PDE4D: variants seen among roughly 807,000 people sequenced by gnomAD.
PDE4D encodes 3',5'-cyclic-AMP phosphodiesterase 4D.
In PDE4D, 24 loss-of-function variants were observed where a neutral mutation model predicts 87.4. That is an observed-to-expected ratio of 0.27 (90% CI 0.20 to 0.39). PDE4D has a LOEUF of 0.39. PDE4D is among the 10% of genes least tolerant of loss of function. The pLI is 1.00. For synonymous variants in PDE4D, 384 were observed against 383.2 expected (o/e 1.00, Z -0.02); for missense variants, 714 against 1,041.0 (o/e 0.69, Z 4.32).
intron 1 of PDE4D, among the ~76,000 whole-genome samples, chr5:59,715,024 T>G (rs1458549890): frequency 6.6e-6 from 1 of 152,238 alleles, no homozygotes; most frequent in Non-Finnish European, 1.5e-5. Flanking sequence ...GTCCCAACTA[T>G]GGAAAGAAGC....
chr5:59,617,678 G>A (rs1007095886), intron 1 of PDE4D, among the ~76,000 whole-genome samples: 3 of 152,214 alleles, frequency 2.0e-5, no homozygotes, highest in Non-Finnish European at 4.4e-5. Context: ...ACTACCAGAA[G>A]CTACAAGAGA....
At chr5:59,082,643 ATAT>A (rs1258312984) in intron 5 of PDE4D, among the ~76,000 whole-genome samples, 7 of 152,284 alleles carry the variant, frequency 4.6e-5, no homozygotes, top group Admixed American at 4.6e-4. Context: ...TCTTGTATAA[ATAT>A]TATTGCAAAA....
At chr5:60,062,021 T>A (rs1407721780) in intron 2 of PDE4D, among the ~76,000 whole-genome samples, 2 of 152,070 alleles carry the variant, frequency 1.3e-5, no homozygotes, top group African/African-American at 4.8e-5. Flanking sequence ...GATTTTATGA[T>A]GGAATCACCA....
intron 2 of PDE4D, among the ~76,000 whole-genome samples, chr5:60,165,719 TATAG>T (rs754217044): frequency 7.8e-4 from 117 of 149,346 alleles, no homozygotes; most frequent in Non-Finnish European, 1.4e-3. Context: ...GTTTTTATAT[TATAG>T]ATAATTATAT....
intron 1 of PDE4D, among the ~76,000 whole-genome samples, chr5:59,873,238 T>C (rs1748086389): frequency 6.6e-6 from 1 of 152,250 alleles, no homozygotes; most frequent in African/African-American, 2.4e-5. Context: ...CTTCTAATTT[T>C]CTGTACCCAG....
At chr5:59,350,555 A>T (rs1229276503) in intron 1 of PDE4D, among the ~76,000 whole-genome samples, 1 of 152,106 alleles carries the variant, frequency 6.6e-6, no homozygotes, top group Non-Finnish European at 1.5e-5. Context: ...ATCGGAACAC[A>T]TTTGCTAATA....
At chr5:59,987,772 C>G (rs1762592331) in intron 3 of PDE4D, 1 of 152,084 alleles carries the variant, frequency 6.6e-6, no homozygotes, top group African/African-American at 2.4e-5. Flanking sequence ...ATTGATGTGC[C>G]CAATATCCTT....
chr5:59,079,901 C>T (rs1421413124), intron 5 of PDE4D, among the ~76,000 whole-genome samples: 7 of 94,490 alleles, frequency 7.4e-5, no homozygotes, highest in African/African-American at 2.7e-4. Context: ...TGGGCAGGGG[C>T]AGGGGCAAGG....
intron 2 of PDE4D, among the ~76,000 whole-genome samples, chr5:60,138,246 C>T (rs931926896): frequency 3.3e-5 from 5 of 152,036 alleles, no homozygotes; most frequent in African/African-American, 1.2e-4. Flanking sequence ...GTTCTTTTTG[C>T]TTAGCATTTC....
At chr5:59,204,193 CAAA>C (rs11346574) in intron 2 of PDE4D, among the ~76,000 whole-genome samples, 1,730 of 133,806 alleles carry the variant, frequency 0.013, 30 homozygotes, top group African/African-American at 0.043. Context: ...CATCTTTGAC[CAAA>C]AAAAAAAAAA....
intron 1 of PDE4D, among the ~76,000 whole-genome samples, chr5:59,624,276 T>G (rs1353915493): frequency 6.6e-6 from 1 of 151,620 alleles, no homozygotes. Flanking sequence ...TCTCTGTCTC[T>G]GACATCTTCA....
chr5:60,054,764 A>C (rs758834526), intron 2 of PDE4D, among the ~76,000 whole-genome samples: 13 of 152,276 alleles, frequency 8.5e-5, no homozygotes, highest in Middle Eastern at 3.4e-3. Context: ...AAATAAGCAT[A>C]TTTTATACTT....
chr5:59,012,552 A>G (rs376015654), intron 6 of PDE4D, among the ~76,000 whole-genome samples: 1 of 152,208 alleles, frequency 6.6e-6, no homozygotes, highest in African/African-American at 2.4e-5. Flanking sequence ...AGAAGAGACA[A>G]AGAAGGCCAT....
chr5:60,279,267 G>A (rs1404078232), intron 1 of PDE4D, among the ~76,000 whole-genome samples: 2 of 152,072 alleles, frequency 1.3e-5, no homozygotes, highest in African/African-American at 2.4e-5. Context: ...AGGCCTCCAC[G>A]GACACCAGCC....
intron 1 of PDE4D, among the ~76,000 whole-genome samples, chr5:59,890,249 G>T (rs935524791): frequency 8.0e-6 from 1 of 124,782 alleles, no homozygotes; most frequent in African/African-American, 3.0e-5. Context: ...ATGGTGGTGC[G>T]CACGTACACA....
intron 1 of PDE4D, chr5:59,528,726 A>C (rs1299863700): frequency 1.8e-5 from 3 of 165,116 alleles, no homozygotes; most frequent in Non-Finnish European, 3.9e-5. Flanking sequence ...GAGTCACTAG[A>C]AAAGGAAAGA....
chr5:59,364,319 TG>T (rs1235598471), intron 1 of PDE4D, among the ~76,000 whole-genome samples: 13 of 152,326 alleles, frequency 8.5e-5, no homozygotes, highest in African/African-American at 3.1e-4. Flanking sequence ...TGCTAAATAA[TG>T]GGGCCTTGAT....
intron 1 of PDE4D, among the ~76,000 whole-genome samples, chr5:59,580,943 C>G (rs1344246554): frequency 6.6e-6 from 1 of 151,866 alleles, no homozygotes; most frequent in Non-Finnish European, 1.5e-5. Flanking sequence ...ATTATCTATC[C>G]TTGAAATCAT....
chr5:60,477,489 A>C (rs1404000869), intron 1 of PDE4D, among the ~76,000 whole-genome samples: 6 of 152,202 alleles, frequency 3.9e-5, no homozygotes, highest in African/African-American at 1.4e-4. Flanking sequence ...GATTTTACAC[A>C]GTATGTAAAA....
Sources: gnomAD v4.1 joint callset for allele counts (sites outside exome capture counted in the v4.1 genomes callset) on GRCh38, gnomAD v4.1.1 for gene constraint, MANE v1.5 for transcripts, NCBI Gene and HGNC (gene_info 2026-07-23, HGNC 2026-07-21) for gene names.